The following CA5B variants were observed in gnomAD, a reference collection of about 807,000 sequenced individuals.
CA5B encodes carbonic anhydrase 5B, mitochondrial.
Under a neutral mutation model 23.1 loss-of-function variants are expected in CA5B, and 15 were observed. That is an observed-to-expected ratio of 0.65 (90% CI 0.43 to 1.00). The LOEUF (loss-of-function observed/expected upper bound fraction) is 1.00. CA5B is among the 50% of genes least tolerant of loss of function. The pLI, the probability that CA5B is intolerant of heterozygous loss-of-function variation, is 0.00. For synonymous variants in CA5B, 84 were observed against 98.5 expected (o/e 0.85, Z 0.87); for missense variants, 236 against 252.2 (o/e 0.94, Z 0.43).
chrX:15,753,211 A>C (rs1342271553), intron 2 of CA5B, among the ~76,000 whole-genome samples: 1 of 112,640 alleles, frequency 8.9e-6, no homozygotes, highest in African/African-American at 3.2e-5. Flanking sequence ...AATATTTTAC[A>C]GAGTTCGACT....
Position 15,776,867 on chromosome X carries a change from C to G in CA5B, c.772C>G (p.Gln258Glu). The stretch of plus-strand genomic sequence containing the variant: ...GCAACCAGTAGAGGTTGATCATGAT[C>G]AGGTATGTTCTCTCCATAATTTCAA... ...KKQPVEVDHD[Q>E]LEQFRTLLFT... Residue 258 changes from glutamine to glutamate, a missense_variant and splice_region_variant, in exon 7 of 8, where the codon CAG (glutamine) becomes GAG (glutamate). Physicochemically the swap from Gln to Glu is conservative, Grantham distance 29 (BLOSUM62 2). Coordinates refer to ENST00000318636, the MANE Select transcript of CA5B (RefSeq NM_007220.4). The G allele has an allele frequency of 8.3e-7, 1 of 1,202,064 alleles. No individual in the cohort carries two copies. Among genetic ancestry groups the G allele is most frequent in the Non-Finnish European group, 1.1e-6 (1 of 887,658 alleles).
At chrX:15,767,424 CAG>C (rs1160242706) in intron 3 of CA5B, among the ~76,000 whole-genome samples, 2 of 105,741 alleles carry the variant, frequency 1.9e-5, no homozygotes, top group East Asian at 5.9e-4. Context: ...TTTTTTGAGA[CAG>C]AGTCTCGCTC....
intron 2 of CA5B, 115 bp from the exon 3 acceptor site, chrX:15,764,463 C>T: frequency 2.3e-5 from 25 of 1,100,490 alleles, no homozygotes; most frequent in Non-Finnish European, 3.0e-5. Flanking sequence ...TGGTCTCAAA[C>T]TTCTGGCCTC....
At chrX:15,775,200 T>TTTCTACAGTTTCTACA in intron 5 of CA5B, 46 bp from the exon 6 acceptor site, 1 of 975,198 alleles carries the variant, frequency 1.0e-6, no homozygotes, top group Non-Finnish European at 1.4e-6. Context: ...GTTTCTACAG[T>TTTCTACAGTTTCTACA]GAGATGTCCA....
At chrX:15,774,094 A>G (rs1331112797) in intron 4 of CA5B, among the ~76,000 whole-genome samples, 9 of 111,949 alleles carry the variant, frequency 8.0e-5, no homozygotes, top group Non-Finnish European at 1.3e-4. Flanking sequence ...AAATCCCTTT[A>G]TTCTAAAATA....
At chrX:15,774,012 G>A (rs149898438) in intron 4 of CA5B, among the ~76,000 whole-genome samples, 4,058 of 112,038 alleles carry the variant, frequency 0.036, 180 homozygotes, top group African/African-American at 0.12. Context: ...AATCAAGATG[G>A]GACTGGACAA....
chrX:15,785,205 T>G lies in CA5B; in HGVS notation c.*2541T>G, dbSNP rs1601798326. 2 of 112,246 alleles carry G rather than the reference T, an allele frequency of 1.8e-5. No individual in the cohort carries two copies. The highest frequency in any genetic ancestry group is 3.8e-5 in the Non-Finnish European group (2 of 53,260). 9.3% of individuals were successfully genotyped at this position (112,246 alleles called of 1,213,427 possible). ...CCACCAAAGCGGGATCTCAAAGAGA[T>G]ATTTGTACACCCATGTTCATAGCAG... On this transcript the variant is annotated 3_prime_UTR_variant, in exon 8 of 8. Transcript: ENST00000318636.
At chrX:15,763,212 G>A (rs931609110) in intron 2 of CA5B, among the ~76,000 whole-genome samples, 6 of 112,076 alleles carry the variant, frequency 5.4e-5, no homozygotes, top group Admixed American at 1.9e-4. Flanking sequence ...TGCAGGCTAC[G>A]CAAGCCTTTT....
At chrX:15,762,957 G>A (rs749242584) in intron 2 of CA5B, 1 of 326,294 alleles carries the variant, frequency 3.1e-6, no homozygotes, top group African/African-American at 2.7e-5. Context: ...GAGACCTGGT[G>A]CTTGACTCTG....
chrX:15,771,489 C>T (rs1327562329), intron 3 of CA5B, among the ~76,000 whole-genome samples: 3 of 109,828 alleles, frequency 2.7e-5, no homozygotes, highest in African/African-American at 6.6e-5. Flanking sequence ...TGCAGTGGCA[C>T]GATCTCAGCT....
chrX:15,781,953 GAAAAA>G (rs1231154554), intron 7 of CA5B, among the ~76,000 whole-genome samples: 1 of 103,626 alleles, frequency 9.7e-6, no homozygotes, highest in Admixed American at 1.0e-4. Context: ...GAAAGAAAAG[GAAAAA>G]AAAAAGACGT....
chrX:15,781,728 A>G (rs1345084217), intron 7 of CA5B, among the ~76,000 whole-genome samples: 1 of 111,031 alleles, frequency 9.0e-6, no homozygotes, highest in Non-Finnish European at 1.9e-5. Flanking sequence ...GCCTGGGCTG[A>G]ACATAGCAAG....
rs938827811 is a variant in CA5B at position 15,784,182 on chromosome X, C to T, written c.*1518C>T. On this transcript the variant is annotated 3_prime_UTR_variant, in exon 8 of 8. Coordinates refer to ENST00000318636, the MANE Select transcript of CA5B (RefSeq NM_007220.4). ...GGATTACAGGCGTGAGCCACCGTGCCCGGCCTTCCAGAAATATTTTTCAAA... is the reference window on the plus strand; with the variant it reads ...GGATTACAGGCGTGAGCCACCGTGCTCGGCCTTCCAGAAATATTTTTCAAA... 3.6e-5 allele frequency: 4 copies of T among 112,456 alleles called. No homozygotes were observed. Among genetic ancestry groups the T allele is most frequent in the African/African-American group, 1.3e-4 (4 of 31,044 alleles). 9.3% of individuals were successfully genotyped at this position (112,456 alleles called of 1,213,427 possible).
In CA5B at chrX:15,787,274, A is replaced by G. The variant is rs1442529444; in HGVS notation, c.*4610A>G. 1 of 112,229 alleles carries G rather than the reference A, an allele frequency of 8.9e-6. No homozygotes were observed. Among genetic ancestry groups the G allele is most frequent in the Non-Finnish European group, 1.9e-5 (1 of 53,200 alleles). 9.2% of individuals were successfully genotyped at this position (112,229 alleles called of 1,213,427 possible). A position where few individuals can be genotyped will look rare whatever the true frequency, so the allele number is the denominator to read the frequency against. ...CCTAGGAGGGACAACAACAAGGCCA[A>G]CCTGTTTCAGGCAGTTCCTCCATAT... On this transcript the variant is annotated 3_prime_UTR_variant, in exon 8 of 8. Transcript: ENST00000318636.
intron 3 of CA5B, among the ~76,000 whole-genome samples, chrX:15,771,349 C>T (rs761430883): frequency 5.0e-4 from 45 of 89,667 alleles, no homozygotes; most frequent in African/African-American, 1.6e-3. Context: ...CCAGCTTGGG[C>T]GACAGACTAA....
At position 15,774,836 on chromosome X, in the gene CA5B, C is replaced by A. The variant is rs1288642158; in HGVS notation, c.556-410C>A. ...CTGGGCAACAGAGCGAGACTCCATC[C>A]CCCCCACCACCAAAAAAATATATAT... On this transcript the variant is annotated intron_variant, in intron 5 of 7. Transcript: ENST00000318636. Among the ~76,000 whole-genome samples, 3 of 111,318 alleles carry A rather than the reference C, an allele frequency of 2.7e-5. No homozygotes were observed. The Admixed American group carries it at 2.9e-4, about 11-fold the overall frequency.
chrX:15,774,600 G>A lies in CA5B; in HGVS notation c.555+203G>A, dbSNP rs181484348. 4.6e-3 allele frequency among the ~76,000 whole-genome samples: 517 copies of A among 111,743 alleles called. 2 individuals carry two copies. Among genetic ancestry groups the A allele is most frequent in the Non-Finnish European group, 6.7e-3 (354 of 53,183 alleles). ...TGTAATCCCAGCACTTTGGGAGGCCGAGGCAGGCAGATCACTTGAGGTCAG... is the reference window on the plus strand; with the variant it reads ...TGTAATCCCAGCACTTTGGGAGGCCAAGGCAGGCAGATCACTTGAGGTCAG... On this transcript the variant is annotated intron_variant, in intron 5 of 7. Transcript: ENST00000318636.
chrX:15,765,326 A>T, intron 3 of CA5B: 1 of 313,872 alleles, frequency 3.2e-6, no homozygotes, highest in Non-Finnish European at 4.2e-6. Flanking sequence ...AAAGAAACAC[A>T]ATTTAAAAGA....
rs1229105715 is a variant in CA5B, at chrX:15,772,524, C to T, written c.369C>T (p.Asn123=). 1 of 1,204,993 alleles carries T rather than the reference C, an allele frequency of 8.3e-7. No homozygotes were observed. The highest frequency in any genetic ancestry group is 1.1e-6 in the Non-Finnish European group (1 of 891,033). ...TCAAGGGAGGACCCCTGGAACACAACTACCGATTGAAGCAGTTCCATTTTC... is the reference window on the plus strand; with the variant it reads ...TCAAGGGAGGACCCCTGGAACACAATTACCGATTGAAGCAGTTCCATTTTC... ...SVIKGGPLEH[N]YRLKQFHFHW... is the part of the protein sequence containing the mutation. Residue 123 remains asparagine (N), a synonymous_variant, in exon 4 of 8, where the codon AAC becomes AAT. Transcript: ENST00000318636.
Sources: gnomAD v4.1 joint callset for allele counts (sites outside exome capture counted in the v4.1 genomes callset) on GRCh38, gnomAD v4.1.1 for gene constraint, MANE v1.5 for transcripts, NCBI Gene and HGNC (gene_info 2026-07-23, HGNC 2026-07-21) for gene names.